NMBR: variants seen among roughly 807,000 people sequenced by gnomAD.
NMBR encodes the protein neuromedin-B receptor.
Under a neutral mutation model 20.5 loss-of-function variants are expected in NMBR, and 16 were observed. The observed-to-expected ratio is 0.78, with a 90% CI of 0.53 to 1.19. The LOEUF is 1.19. Among genes scored for constraint, NMBR ranks in the 50% most tolerant of loss-of-function variants. The probability of loss-of-function intolerance (pLI) is 0.00; values close to 1 mark genes in which losing one functional copy is unlikely to be tolerated. For missense variants in NMBR, 582 were observed against 499.1 expected (o/e 1.17, Z -1.58); for synonymous variants, 212 against 196.6 (o/e 1.08, Z -0.65).
At chr6:142,102,727 T>C (rs1039740214) in intron 1 of NMBR, among the ~76,000 whole-genome samples, 5 of 152,140 alleles carry the variant, frequency 3.3e-5, no homozygotes, top group Non-Finnish European at 5.9e-5. Context: ...AGGCAACAAA[T>C]GTACCATTAA....
At chr6:142,131,852 G>A (rs1044093977) in intron 1 of NMBR, among the ~76,000 whole-genome samples, 1 of 152,150 alleles carries the variant, frequency 6.6e-6, no homozygotes, top group Admixed American at 6.6e-5. Context: ...TCTGACAATT[G>A]TATACAGTTG....
At chr6:142,080,563 T>C (rs1777074523) in intron 2 of NMBR, among the ~76,000 whole-genome samples, 1 of 152,110 alleles carries the variant, frequency 6.6e-6, no homozygotes, top group Non-Finnish European at 1.5e-5. Flanking sequence ...TCTGCCGACC[T>C]CAGCCTCCCA....
Position 142,135,878 on chromosome 6 carries a change from C to T in NMBR, c.-664+11166G>A, listed in dbSNP as rs886774381. 2.0e-5 allele frequency among the ~76,000 whole-genome samples: 3 copies of T among 151,690 alleles called. No individual in the cohort carries two copies. The East Asian group carries it at 5.8e-4, about 29-fold the overall frequency. On this transcript the variant is annotated intron_variant, in intron 1 of 3. Transcript: ENST00000258042. ...CCATGGTGTATATGTGCCACATTTT[C>T]TTAATCCAGTCTATCATTGTTGGAC...
At chr6:142,108,086 A>C (rs1777690792) in intron 1 of NMBR, among the ~76,000 whole-genome samples, 1 of 152,144 alleles carries the variant, frequency 6.6e-6, no homozygotes, top group South Asian at 2.1e-4. Flanking sequence ...ATAGACATGT[A>C]GAACATAATT....
intron 1 of NMBR, among the ~76,000 whole-genome samples, chr6:142,144,491 T>A (rs547844163): frequency 1.3e-5 from 2 of 152,248 alleles, no homozygotes; most frequent in South Asian, 2.1e-4. Flanking sequence ...TCACCCCCTA[T>A]TTTGTTCTAC....
chr6:142,086,765 A>C (rs1435706581), intron 2 of NMBR, among the ~76,000 whole-genome samples: 1 of 152,312 alleles, frequency 6.6e-6, no homozygotes, highest in East Asian at 1.9e-4. Context: ...GTAAATGGTC[A>C]TGTGTCGCCA....
intron 1 of NMBR, among the ~76,000 whole-genome samples, chr6:142,093,782 A>G (rs1291789119): frequency 6.6e-6 from 1 of 152,026 alleles, no homozygotes; most frequent in Non-Finnish European, 1.5e-5. Context: ...GTGTAAAAGC[A>G]TTCCTATTTT....
chr6:142,093,705 C>A (rs1348781881), intron 1 of NMBR, among the ~76,000 whole-genome samples: 1 of 152,098 alleles, frequency 6.6e-6, no homozygotes, highest in Non-Finnish European at 1.5e-5. Flanking sequence ...AATTCTAGTT[C>A]TAGATCCCTG....
rs1176437783 is a variant in NMBR at position 142,128,941 on chromosome 6, C to T, written c.-664+18103G>A. Among the ~76,000 whole-genome samples, 3 of 87,556 alleles carry T rather than the reference C, an allele frequency of 3.4e-5. No homozygotes were observed. In the East Asian group the frequency reaches 7.0e-4, roughly 21 times the overall value. 57.4% of individuals were successfully genotyped at this position (87,556 alleles called of 152,430 possible). A position where few individuals can be genotyped will look rare whatever the true frequency, so the allele number is the denominator to read the frequency against. The stretch of plus-strand genomic sequence containing the variant: ...TTAAGAGGAATCAGTATTCATTCTT[C>T]TTTGAATGTTTGGTAACTTGTTGCA... On this transcript the variant is annotated intron_variant, in intron 1 of 3. Transcript: ENST00000258042.
chr6:142,110,282 A>G (rs1195994932), intron 1 of NMBR, among the ~76,000 whole-genome samples: 8 of 152,238 alleles, frequency 5.3e-5, no homozygotes, highest in Non-Finnish European at 8.8e-5. Context: ...ACATCATCAC[A>G]GAATTGTTCA....
chr6:142,120,578 T>G (rs138842881), intron 1 of NMBR, among the ~76,000 whole-genome samples: 1 of 151,840 alleles, frequency 6.6e-6, no homozygotes, highest in African/African-American at 2.4e-5. Flanking sequence ...TTAAAAACAT[T>G]TGAAATACAA....
intron 2 of NMBR, among the ~76,000 whole-genome samples, 187 bp from the exon 3 acceptor site, chr6:142,079,090 GAGAA>G (rs1332020715): frequency 5.9e-5 from 4 of 67,612 alleles, no homozygotes; most frequent in Non-Finnish European, 1.0e-4. Context: ...GAAAGAAAGA[GAGAA>G]AGAGAGAGAG....
At chr6:142,086,694 A>C (rs536148772) in intron 2 of NMBR, among the ~76,000 whole-genome samples, 1 of 152,134 alleles carries the variant, frequency 6.6e-6, no homozygotes, top group Non-Finnish European at 1.5e-5. Context: ...AAACAAAGAA[A>C]GTCAGTAAAT....
chr6:142,111,070 T>C (rs1193188000), intron 1 of NMBR, among the ~76,000 whole-genome samples: 1 of 152,046 alleles, frequency 6.6e-6, no homozygotes, highest in Non-Finnish European at 1.5e-5. Flanking sequence ...TGAAATCCTG[T>C]CTCTACTGAA....
Position 142,075,631 on chromosome 6 carries a change from G to A in NMBR, c.*17C>T. On this transcript the variant is annotated 3_prime_UTR_variant, in exon 4 of 4. Coordinates refer to ENST00000258042, the MANE Select transcript of NMBR (RefSeq NM_002511.4). ...AGTTACTAAGTTCTCTCCAGGTAGT[G>A]AGTTGAATGGCCAAAATCACAGTGC... 6.3e-7 allele frequency: 1 copy of A among 1,590,186 alleles called. No individual in the cohort carries two copies. Among genetic ancestry groups the A allele is most frequent in the Non-Finnish European group, 8.6e-7 (1 of 1,167,146 alleles).
intron 2 of NMBR, among the ~76,000 whole-genome samples, 177 bp from the exon 3 acceptor site, chr6:142,079,080 G>C (rs1384961331): frequency 1.8e-5 from 2 of 110,018 alleles, no homozygotes; most frequent in Admixed American, 2.1e-4. Flanking sequence ...AAGAGAGAAA[G>C]AAAGAAAGAG....
At chr6:142,093,049 G>A (rs1381523310) in intron 1 of NMBR, among the ~76,000 whole-genome samples, 1 of 151,976 alleles carries the variant, frequency 6.6e-6, no homozygotes, top group Non-Finnish European at 1.5e-5. Context: ...TAGACCAAAG[G>A]CTTCTCTGGT....
chr6:142,093,146 T>A (rs1012529392), intron 1 of NMBR, among the ~76,000 whole-genome samples: 8 of 151,516 alleles, frequency 5.3e-5, no homozygotes, highest in African/African-American at 1.9e-4. Flanking sequence ...AACTTAAGAA[T>A]TTTTTTTCTT....
chr6:142,099,984 A>C (rs1027781151), intron 1 of NMBR, among the ~76,000 whole-genome samples: 1 of 152,226 alleles, frequency 6.6e-6, no homozygotes, highest in African/African-American at 2.4e-5. Context: ...CATGCCATTA[A>C]GCAATTGCAA....
Sources: gnomAD v4.1 joint callset for allele counts (sites outside exome capture counted in the v4.1 genomes callset) on GRCh38, gnomAD v4.1.1 for gene constraint, MANE v1.5 for transcripts, NCBI Gene and HGNC (gene_info 2026-07-23, HGNC 2026-07-21) for gene names.